The following PSD3 variants were observed in gnomAD, a reference collection of about 807,000 sequenced individuals.
PSD3 encodes the protein pleckstrin and Sec7 domain containing 3.
Under a neutral mutation model 105.5 loss-of-function variants are expected in PSD3, and 49 were observed. The observed-to-expected ratio is 0.46, with a 90% CI of 0.37 to 0.59. PSD3 has a LOEUF of 0.59. Ranked by LOEUF, PSD3 falls within the 20% of genes least tolerant of loss-of-function variation. PSD3 has a pLI of 0.00. For missense variants in PSD3, 1,561 were observed against 1,263.8 expected (o/e 1.24, Z -3.57); for synonymous variants, 557 against 457.8 (o/e 1.22, Z -2.77).
intron 9 of PSD3, among the ~76,000 whole-genome samples, chr8:18,703,143 A>G (rs1029421868): frequency 5.9e-5 from 9 of 152,196 alleles, no homozygotes; most frequent in Non-Finnish European, 8.8e-5. Flanking sequence ...AAAGGAATAC[A>G]AGAAAAAGAA....
intron 11 of PSD3, among the ~76,000 whole-genome samples, chr8:18,612,390 T>C (rs1805330549): frequency 6.6e-6 from 1 of 152,142 alleles, no homozygotes; most frequent in African/African-American, 2.4e-5. Context: ...TTTTTTTCTT[T>C]TGAGACGGAG....
chr8:19,082,710 G>A (rs1048854762), intron 1 of PSD3, among the ~76,000 whole-genome samples: 2 of 152,186 alleles, frequency 1.3e-5, no homozygotes, highest in African/African-American at 4.8e-5. Context: ...AGTGGGAAAA[G>A]ATGGGGTTTT....
intron 9 of PSD3, among the ~76,000 whole-genome samples, chr8:18,744,707 C>A (rs1435814665): frequency 2.0e-5 from 3 of 152,156 alleles, no homozygotes; most frequent in Non-Finnish European, 4.4e-5. Flanking sequence ...ACCATCAGTG[C>A]AATTATCAAA....
In PSD3 at chr8:18,970,737, A is replaced by C. The variant is rs556850272; in HGVS notation, c.22-34595T>G. Among the ~76,000 whole-genome samples the C allele has an allele frequency of 3.9e-5, 6 of 152,208 alleles. No individual in the cohort carries two copies. The South Asian group carries it at 1.2e-3, about 32-fold the overall frequency. ...TGGGAGGTGAAGGTGGGAGGAACAT[A>C]TGAGGTTAGGACTTCGAGACCAGCC... On this transcript the variant is annotated intron_variant, in intron 1 of 15. Coordinates refer to ENST00000327040, the MANE Select transcript of PSD3 (RefSeq NM_015310.4).
At chr8:18,989,491 G>A (rs1283926616) in intron 1 of PSD3, 1 of 152,086 alleles carries the variant, frequency 6.6e-6, no homozygotes, top group Non-Finnish European at 1.5e-5. Context: ...ATTTTAGTCA[G>A]GAAACAAAAA....
chr8:18,586,804 C>G lies in PSD3; in HGVS notation c.2482-11519G>C, dbSNP rs116165184. On this transcript the variant is annotated intron_variant, in intron 12 of 15. Transcript: ENST00000327040. ...CGCAAGGGGGAAAATGGAGGGCACT[C>G]AGGAGGGAAGTTAACTGGAAGCCCT... 5.9e-3 allele frequency among the ~76,000 whole-genome samples: 893 copies of G among 152,220 alleles called. 12 individuals are homozygous for G. The highest frequency in any genetic ancestry group is 0.02 in the African/African-American group (843 of 41,526).
At position 18,901,533 on chromosome 8, in the gene PSD3, T is replaced by C. The variant is rs1819502120; in HGVS notation, c.131-28800A>G. On this transcript the variant is annotated intron_variant, in intron 2 of 15. Transcript: ENST00000327040. Reference sequence around the variant, plus strand: ...CTTCCTCCTTTCGTTCCTTTCTTCCTCTTTTTCTATCATTGCAGTTTGGTG... The same window carrying C: ...CTTCCTCCTTTCGTTCCTTTCTTCCCCTTTTTCTATCATTGCAGTTTGGTG... 3.9e-5 allele frequency among the ~76,000 whole-genome samples: 6 copies of C among 152,296 alleles called. No individual in the cohort carries two copies. The South Asian group carries it at 1.2e-3, about 32-fold the overall frequency.
At chr8:18,765,959 C>T (rs1354608466) in intron 8 of PSD3, among the ~76,000 whole-genome samples, 1 of 134,024 alleles carries the variant, frequency 7.5e-6, no homozygotes, top group East Asian at 2.0e-4. Flanking sequence ...CAGAGCGAGA[C>T]TCCATCTCAA....
chr8:18,820,825 G>A (rs2638631), intron 4 of PSD3, among the ~76,000 whole-genome samples: 67,159 of 151,846 alleles, frequency 0.44, 15,356 homozygotes, highest in East Asian at 0.8. Flanking sequence ...GTGCAGTGGC[G>A]GAACTGCAGC....
intron 4 of PSD3, among the ~76,000 whole-genome samples, chr8:18,853,824 T>A (rs1455492844): frequency 1.3e-5 from 2 of 152,166 alleles, no homozygotes; most frequent in African/African-American, 4.8e-5. Flanking sequence ...CCAAGCTATG[T>A]CTAAGCGCCT....
At chr8:18,759,746 A>G (rs1055969407) in intron 9 of PSD3, among the ~76,000 whole-genome samples, 4 of 151,044 alleles carry the variant, frequency 2.6e-5, no homozygotes, top group Non-Finnish European at 5.9e-5. Context: ...GACGGCCAAT[A>G]ACTGACCTTC....
intron 9 of PSD3, among the ~76,000 whole-genome samples, chr8:18,722,490 T>A (rs1803053617): frequency 6.6e-6 from 1 of 152,208 alleles, no homozygotes. Context: ...TTCAAGTGAG[T>A]AATACGTAAT....
intron 9 of PSD3, among the ~76,000 whole-genome samples, chr8:18,722,339 G>C (rs1034217485): frequency 6.6e-6 from 1 of 151,982 alleles, no homozygotes; most frequent in African/African-American, 2.4e-5. Flanking sequence ...TTTAGAGCTG[G>C]CAAATAGAAT....
At chr8:19,006,866 T>A (rs1055228219) in intron 1 of PSD3, among the ~76,000 whole-genome samples, 2 of 152,114 alleles carry the variant, frequency 1.3e-5, no homozygotes, top group Non-Finnish European at 2.9e-5. Context: ...TTAGCTTTGA[T>A]ATATAGCACT....
intron 2 of PSD3, among the ~76,000 whole-genome samples, chr8:18,884,774 T>C (rs1170094450): frequency 6.6e-6 from 1 of 152,238 alleles, no homozygotes; most frequent in East Asian, 1.9e-4. Flanking sequence ...TTTCACATAC[T>C]AATGATTCAG....
chr8:18,866,988 C>T (rs547045833), intron 4 of PSD3, among the ~76,000 whole-genome samples: 4 of 151,972 alleles, frequency 2.6e-5, no homozygotes, highest in South Asian at 4.2e-4. Context: ...AGAAATGAAA[C>T]GCTGGATAAT....
intron 12 of PSD3, among the ~76,000 whole-genome samples, chr8:18,588,198 T>C (rs773233754): frequency 2.0e-5 from 3 of 152,146 alleles, no homozygotes; most frequent in Non-Finnish European, 2.9e-5. Context: ...GCCCATAAGG[T>C]CTTCCTTCTT....
intron 4 of PSD3, among the ~76,000 whole-genome samples, chr8:18,835,577 C>T (rs1039311486): frequency 6.6e-6 from 1 of 152,132 alleles, no homozygotes; most frequent in Non-Finnish European, 1.5e-5. Context: ...GTTGGTAATA[C>T]AGCCAAGGGG....
At position 18,765,583 on chromosome 8, in the gene PSD3, T is replaced by A. The variant is rs746369306; in HGVS notation, c.2083-45A>T. Reference sequence around the variant, plus strand: ...TACATCACTATGACATTCATGGAATTAAGACTGATTCATAAATATATGATG... The same window carrying A: ...TACATCACTATGACATTCATGGAATAAAGACTGATTCATAAATATATGATG... On this transcript the variant is annotated intron_variant, in intron 8 of 15. Transcript: ENST00000327040. 5.8e-6 allele frequency: 8 copies of A among 1,385,402 alleles called. No individual in the cohort carries two copies. In the South Asian group the frequency reaches 8.1e-5, roughly 14 times the overall value. 85.8% of individuals were successfully genotyped at this position (1,385,402 alleles called of 1,614,324 possible).
Sources: gnomAD v4.1 joint callset for allele counts (sites outside exome capture counted in the v4.1 genomes callset) on GRCh38, gnomAD v4.1.1 for gene constraint, MANE v1.5 for transcripts, NCBI Gene and HGNC (gene_info 2026-07-23, HGNC 2026-07-21) for gene names.